INTS7: variants seen among roughly 807,000 people sequenced by gnomAD.
INTS7 encodes the protein integrator complex subunit 7.
In INTS7, 46 loss-of-function variants were observed where a neutral mutation model predicts 109.2. The observed-to-expected ratio is 0.42, with a 90% CI of 0.33 to 0.54. The LOEUF is 0.54. Ranked by LOEUF, INTS7 falls within the 20% of genes least tolerant of loss-of-function variation. The pLI is 0.07. For synonymous variants in INTS7, 412 were observed against 402.9 expected (o/e 1.02, Z -0.27); for missense variants, 929 against 1,132.4 (o/e 0.82, Z 2.58).
chr1:211,996,243 G>A (rs116760659), intron 7 of INTS7, among the ~76,000 whole-genome samples: 1,681 of 152,066 alleles, frequency 0.011, 30 homozygotes, highest in African/African-American at 0.038. Flanking sequence ...TGAACCCGGC[G>A]AAACCCCATC....
chr1:211,976,726 T>C lies in INTS7; in HGVS notation c.1471-7A>G, dbSNP rs537778470. ...TCACAGTAGCCAAACTCACCTAACA[T>C]TGGGCAAGAAGAAAACCAAGAAAAT... On this transcript the variant is annotated splice_polypyrimidine_tract_variant and splice_region_variant and intron_variant, in intron 11 of 19. Transcript: ENST00000366994. 3.1e-6 allele frequency: 5 copies of C among 1,613,726 alleles called. No individual in the cohort carries two copies. The highest frequency in any genetic ancestry group is 1.3e-5 in the African/African-American group (1 of 75,028).
At position 211,952,609 on chromosome 1, in the gene INTS7, A is replaced by G. The variant is rs772386696; in HGVS notation, c.2276T>C (p.Val759Ala). 2 of 1,613,094 alleles carry G rather than the reference A, an allele frequency of 1.2e-6. No individual in the cohort carries two copies. Among genetic ancestry groups the G allele is most frequent in the East Asian group, 2.2e-5 (1 of 44,798 alleles). The change falls in exon 17 of 20, where the codon GTA becomes GCA. Residue 759 changes from valine to alanine, a missense_variant. Physicochemically the swap from Val to Ala is moderately conservative, Grantham distance 64 (BLOSUM62 0). Around this residue, in one of 2 missense-constraint regions of INTS7, gnomAD observed 787 missense variants for 901.1 expected, o/e 0.87. Transcript: ENST00000366994. The part of the protein sequence containing the change: ...MSVYNHVLEE[V>A]ESLNRKYTPV... ...GGTATATTTCCGATTGAGTGATTCTACCTCCTCCAAGACATGATTATATAC... is the reference window on the plus strand; with the variant it reads ...GGTATATTTCCGATTGAGTGATTCTGCCTCCTCCAAGACATGATTATATAC...
rs183005911 is a variant in INTS7, at chr1:211,990,986, G to A, written c.880-2983C>T. Among the ~76,000 whole-genome samples the A allele has an allele frequency of 3.3e-4, 50 of 152,280 alleles. No individual in the cohort carries two copies. The East Asian group carries it at 6.7e-3, about 21-fold the overall frequency. ...TTAAGGATGCCAACCTATAGCCTCT[G>A]GCAGTAATCCAGGCAGGTGGTCATG... On this transcript the variant is annotated intron_variant, in intron 7 of 19. Transcript: ENST00000366994.
chr1:211,969,039 C>T (rs1373080276), intron 13 of INTS7, among the ~76,000 whole-genome samples: 1 of 152,048 alleles, frequency 6.6e-6, no homozygotes, highest in Non-Finnish European at 1.5e-5. Context: ...AATCCCAGCA[C>T]TTCGGGAGGT....
At chr1:211,983,142 T>C (rs1403402175) in intron 8 of INTS7, among the ~76,000 whole-genome samples, 2 of 152,204 alleles carry the variant, frequency 1.3e-5, no homozygotes, top group Admixed American at 6.5e-5. Context: ...GGTATCATTA[T>C]AGGCCTCTTG....
At chr1:211,986,822 G>A (rs780812352) in intron 8 of INTS7, among the ~76,000 whole-genome samples, 1 of 152,130 alleles carries the variant, frequency 6.6e-6, no homozygotes, top group Non-Finnish European at 1.5e-5. Flanking sequence ...GTGTGACAAC[G>A]GAGTATCAGG....
At chr1:211,952,025 A>G (rs1663115539) in intron 17 of INTS7, among the ~76,000 whole-genome samples, 1 of 152,222 alleles carries the variant, frequency 6.6e-6, no homozygotes, top group Admixed American at 6.5e-5. Flanking sequence ...AAAGGCATTA[A>G]TGTCATCACC....
intron 15 of INTS7, 57 bp downstream of exon 15, chr1:211,967,821 G>A (rs1663969547): frequency 8.1e-6 from 7 of 866,266 alleles, no homozygotes; most frequent in Admixed American, 4.3e-5. Flanking sequence ...GAGGTAGTCC[G>A]TATTTAAAAG....
intron 16 of INTS7, among the ~76,000 whole-genome samples, chr1:211,964,474 A>C (rs1231090117): frequency 6.6e-6 from 1 of 152,226 alleles, no homozygotes; most frequent in African/African-American, 2.4e-5. Context: ...AAACTATTTT[A>C]AAATTCATAT....
chr1:211,975,670 A>G (rs1009744788), intron 12 of INTS7, among the ~76,000 whole-genome samples: 1 of 152,204 alleles, frequency 6.6e-6, no homozygotes, highest in African/African-American at 2.4e-5. Flanking sequence ...AAATACAGGA[A>G]GTATAAATAC....
rs1264588877 is a variant in INTS7 at position 211,959,335 on chromosome 1, C to A, written c.2184-6634G>T. ...GATCAGATGGGGCCAGTCCATCTGG[C>A]CTCTCCTGGGGCCCCAACCTGGCTG... is the stretch of plus-strand genomic sequence containing the variant. On this transcript the variant is annotated intron_variant, in intron 16 of 19. Transcript: ENST00000366994. The surrounding 1 kb of genome is among the most constrained non-coding windows in gnomAD (Gnocchi z 4.2). Among the ~76,000 whole-genome samples, 1 of 152,212 alleles carries A rather than the reference C, an allele frequency of 6.6e-6. No homozygotes were observed. Among genetic ancestry groups the A allele is most frequent in the Non-Finnish European group, 1.5e-5 (1 of 68,032 alleles).
chr1:212,033,090 C>T (rs1360131429), intron 1 of INTS7, among the ~76,000 whole-genome samples: 1 of 152,126 alleles, frequency 6.6e-6, no homozygotes, highest in Non-Finnish European at 1.5e-5. Flanking sequence ...TCATTAACTG[C>T]CATGTTCCTA....
At chr1:211,972,082 T>C (rs1212975183) in intron 13 of INTS7, among the ~76,000 whole-genome samples, 2 of 152,092 alleles carry the variant, frequency 1.3e-5, no homozygotes, top group Non-Finnish European at 2.9e-5. Context: ...TTTTTCTCTT[T>C]AGGAGACAGT....
At position 212,020,948 on chromosome 1, in the gene INTS7, GCA is replaced by G. The variant is rs1315030481; in HGVS notation, c.224+133_224+134del. ...TCATTAAATCTCACACTGATGTGCT[GCA>G]CACAGTCATGTGTGTCCACTAATGG... On this transcript the variant is annotated intron_variant, in intron 2 of 19. Coordinates refer to ENST00000366994, the MANE Select transcript of INTS7 (RefSeq NM_015434.4). 1.1e-5 allele frequency: 9 copies of G among 798,616 alleles called. No homozygotes were observed. The African/African-American group carries it at 1.2e-4, about 11-fold the overall frequency. The allele number at this position is 798,616 out of a possible 1,614,324, so 49.5% of individuals were successfully genotyped here.
intron 7 of INTS7, among the ~76,000 whole-genome samples, chr1:211,993,704 C>T (rs973207149): frequency 6.9e-6 from 1 of 144,142 alleles, no homozygotes; most frequent in Non-Finnish European, 1.5e-5. Context: ...AAAAAGACTA[C>T]AGCATCAGAT....
intron 7 of INTS7, among the ~76,000 whole-genome samples, chr1:211,989,830 A>G (rs1404868499): frequency 2.0e-5 from 3 of 152,098 alleles, no homozygotes; most frequent in Non-Finnish European, 4.4e-5. Context: ...TCAAAAAAAA[A>G]AAAAAAAAGT....
chr1:211,956,190 A>G (rs1192694423), intron 16 of INTS7, among the ~76,000 whole-genome samples: 4 of 152,216 alleles, frequency 2.6e-5, no homozygotes, highest in African/African-American at 9.6e-5. Flanking sequence ...TTATTTTGGC[A>G]TCTTTGACAA....
chr1:211,966,905 C>G (rs755444639), intron 15 of INTS7, among the ~76,000 whole-genome samples: 6 of 151,960 alleles, frequency 3.9e-5, no homozygotes, highest in African/African-American at 9.7e-5. Context: ...GTCTAAGGAG[C>G]CTTTATCCCA....
At chr1:211,993,746 C>T (rs1665246086) in intron 7 of INTS7, among the ~76,000 whole-genome samples, 1 of 149,406 alleles carries the variant, frequency 6.7e-6, no homozygotes, top group African/African-American at 2.5e-5. Flanking sequence ...TTAACACAAG[C>T]TAAGATGGTT....
Sources: gnomAD v4.1 joint callset for allele counts (sites outside exome capture counted in the v4.1 genomes callset) on GRCh38, gnomAD v4.1.1 for gene constraint, gnomAD v4.1.1 regional missense constraint, Gnocchi (gnomAD v3.1) non-coding constraint, MANE v1.5 for transcripts, NCBI Gene and HGNC (gene_info 2026-07-23, HGNC 2026-07-21) for gene names.